The following TRAPPC9 variants were observed in gnomAD, a reference collection of about 807,000 sequenced individuals.
TRAPPC9 encodes trafficking protein particle complex subunit 9.
Under a neutral mutation model 124.0 loss-of-function variants are expected in TRAPPC9, and 83 were observed. That is an observed-to-expected ratio of 0.67 (90% CI 0.56 to 0.80). The LOEUF is 0.80. Among genes scored for constraint, TRAPPC9 ranks in the 30% least tolerant of loss-of-function variants. The probability of loss-of-function intolerance (pLI) is 0.00; values close to 1 mark genes in which losing one functional copy is unlikely to be tolerated. For missense variants in TRAPPC9, 1,302 were observed against 1,508.3 expected (o/e 0.86, Z 2.27); for synonymous variants, 638 against 617.5 (o/e 1.03, Z -0.49).
At chr8:139,862,972 G>C (rs1315124311) in intron 21 of TRAPPC9, among the ~76,000 whole-genome samples, 1 of 152,230 alleles carries the variant, frequency 6.6e-6, no homozygotes, top group East Asian at 1.9e-4. Context: ...AGAGGCACAG[G>C]GATGCACAGC....
intron 21 of TRAPPC9, among the ~76,000 whole-genome samples, chr8:139,784,642 T>TATATATATATATATAA (rs1563810623): frequency 7.6e-6 from 1 of 132,138 alleles, no homozygotes; most frequent in Non-Finnish European, 1.6e-5. Flanking sequence ...TATATATATA[T>TATATATATATATATAA]ATAAATCAAC....
At chr8:140,223,059 G>A (rs547063718) in intron 16 of TRAPPC9, among the ~76,000 whole-genome samples, 1 of 152,234 alleles carries the variant, frequency 6.6e-6, no homozygotes, top group South Asian at 2.1e-4. Context: ...GGATGTGCAG[G>A]TTTATTCCAT....
intron 17 of TRAPPC9, among the ~76,000 whole-genome samples, chr8:140,158,872 A>C (rs567432807): frequency 6.6e-6 from 1 of 152,346 alleles, no homozygotes; most frequent in East Asian, 1.9e-4. Flanking sequence ...AACTTATTTG[A>C]CACGATTTTA....
rs150734277 is a variant in TRAPPC9, at chr8:140,378,095, G to T, written c.1135-6915C>A. On this transcript the variant is annotated intron_variant, in intron 7 of 22. Coordinates refer to ENST00000438773, the MANE Select transcript of TRAPPC9 (RefSeq NM_001160372.4). ...TTCTGTTCACTGATTCATTCAGAAC[G>T]TAGCTTCTCACTCCAGAAGGACTTA... Among the ~76,000 whole-genome samples the T allele has an allele frequency of 3.9e-4, 60 of 152,312 alleles. 1 individual carries two copies. The South Asian group carries it at 5.8e-3, about 15-fold the overall frequency.
rs1371894981 is a variant in TRAPPC9, at chr8:139,742,502, C to G, written c.3056-10300G>C. On this transcript the variant is annotated intron_variant, in intron 21 of 22. Transcript: ENST00000438773. The surrounding 1 kb of genome is among the most constrained non-coding windows in gnomAD (Gnocchi z 4.7). Reference sequence around the variant, plus strand: ...AGGGCTGAAGCTGGAAGTCTCTTCCCTCAAGCACAGCACAACACAACATGC... The same window carrying G: ...AGGGCTGAAGCTGGAAGTCTCTTCCGTCAAGCACAGCACAACACAACATGC... Among the ~76,000 whole-genome samples, 3 of 152,220 alleles carry G rather than the reference C, an allele frequency of 2.0e-5. No individual in the cohort carries two copies. Among genetic ancestry groups the G allele is most frequent in the Admixed American group, 6.5e-5 (1 of 15,278 alleles).
intron 17 of TRAPPC9, among the ~76,000 whole-genome samples, chr8:140,038,517 G>T (rs946597971): frequency 6.6e-6 from 1 of 152,212 alleles, no homozygotes; most frequent in Non-Finnish European, 1.5e-5. Flanking sequence ...AGCGAACAAC[G>T]CATTGACACA....
At position 139,801,604 on chromosome 8, in the gene TRAPPC9, G is replaced by A. The variant is rs112601514; in HGVS notation, c.3056-69402C>T. ...AACCTATAATGGGGTGCTGGGATGC[G>A]AAAGTGGGGGGTGGGGTACGGTTAT... On this transcript the variant is annotated intron_variant, in intron 21 of 22. Coordinates refer to ENST00000438773, the MANE Select transcript of TRAPPC9 (RefSeq NM_001160372.4). Among the ~76,000 whole-genome samples the A allele has an allele frequency of 4.5e-3, 688 of 152,326 alleles. 6 individuals are homozygous for A. The highest frequency in any genetic ancestry group is 0.016 in the African/African-American group (649 of 41,572).
chr8:140,371,760 G>C, intron 7 of TRAPPC9, among the ~76,000 whole-genome samples: 1 of 152,084 alleles, frequency 6.6e-6, no homozygotes. Context: ...CTGGAGTGCA[G>C]TGGTACGATC....
chr8:139,812,086 C>T (rs1824483478), intron 21 of TRAPPC9, among the ~76,000 whole-genome samples: 1 of 152,104 alleles, frequency 6.6e-6, no homozygotes, highest in Non-Finnish European at 1.5e-5. Context: ...TCTCCTGGAA[C>T]CACGCATGCA....
At chr8:139,761,918 T>C (rs972301530) in intron 21 of TRAPPC9, among the ~76,000 whole-genome samples, 8 of 151,756 alleles carry the variant, frequency 5.3e-5, no homozygotes, top group African/African-American at 1.7e-4. Flanking sequence ...GTTTATGCTC[T>C]GGTGCTCAGT....
chr8:139,922,331 G>A (rs6981094), intron 19 of TRAPPC9, among the ~76,000 whole-genome samples: 6,591 of 152,174 alleles, frequency 0.043, 370 homozygotes, highest in African/African-American at 0.13. Flanking sequence ...CTACAGGCAC[G>A]TGCCACCACA....
intron 9 of TRAPPC9, among the ~76,000 whole-genome samples, chr8:140,347,542 G>A (rs2067386265): frequency 1.3e-5 from 2 of 152,138 alleles, no homozygotes; most frequent in Admixed American, 6.5e-5. Context: ...ATCCCGGGAA[G>A]TCATCCTGGG....
At position 140,290,984 on chromosome 8, in the gene TRAPPC9, GATAC is replaced by G; in HGVS notation, c.1854+5_1854+8del. On this transcript the variant is annotated splice_donor_5th_base_variant and intron_variant, in intron 12 of 22. Coordinates refer to ENST00000438773, the MANE Select transcript of TRAPPC9 (RefSeq NM_001160372.4). Reference sequence around the variant, plus strand: ...AGCCCAAAAAGGTCAAATGATTGGTGATACATACCATGTTTTCAACTCGAAGTTC... The same window carrying G: ...AGCCCAAAAAGGTCAAATGATTGGTGATACCATGTTTTCAACTCGAAGTTC... 6.2e-7 allele frequency: 1 copy of G among 1,612,730 alleles called. No individual in the cohort carries two copies. Among genetic ancestry groups the G allele is most frequent in the Non-Finnish European group, 8.5e-7 (1 of 1,178,720 alleles).
At chr8:139,912,467 G>T (rs1404047218) in intron 19 of TRAPPC9, among the ~76,000 whole-genome samples, 2 of 152,188 alleles carry the variant, frequency 1.3e-5, no homozygotes, top group African/African-American at 4.8e-5. Context: ...AAACATCTTT[G>T]TGCTGAGTGT....
At chr8:140,181,768 C>T (rs1485398499) in intron 17 of TRAPPC9, among the ~76,000 whole-genome samples, 3 of 152,012 alleles carry the variant, frequency 2.0e-5, no homozygotes, top group Non-Finnish European at 4.4e-5. Context: ...CTGTAGATTC[C>T]CCCTCATGGT....
At chr8:139,746,368 G>A (rs1818886927) in intron 21 of TRAPPC9, among the ~76,000 whole-genome samples, 1 of 152,218 alleles carries the variant, frequency 6.6e-6, no homozygotes, top group South Asian at 2.1e-4. Context: ...GACAAACCTG[G>A]ACCGTAAACA....
intron 17 of TRAPPC9, among the ~76,000 whole-genome samples, chr8:140,140,863 C>G (rs909924897): frequency 3.8e-4 from 58 of 152,302 alleles, no homozygotes; most frequent in African/African-American, 1.3e-3. Flanking sequence ...ACAATCACCA[C>G]CCCAATGGGC....
At chr8:139,875,429 G>C (rs1186610209) in intron 21 of TRAPPC9, among the ~76,000 whole-genome samples, 1 of 152,248 alleles carries the variant, frequency 6.6e-6, no homozygotes, top group Non-Finnish European at 1.5e-5. Context: ...CTCCAAATGG[G>C]GGATTAGGAG....
rs990756106 is a variant in TRAPPC9 at position 139,813,162 on chromosome 8, C to T, written c.3055+72717G>A. Reference sequence around the variant, plus strand: ...TCCCCACAAGCAGGGCGTGCCCCAGCAGGTAGAACATAAAGAGGAGGCAAA... The same window carrying T: ...TCCCCACAAGCAGGGCGTGCCCCAGTAGGTAGAACATAAAGAGGAGGCAAA... On this transcript the variant is annotated intron_variant, in intron 21 of 22. Transcript: ENST00000438773. Among the ~76,000 whole-genome samples the T allele has an allele frequency of 5.9e-5, 9 of 152,330 alleles. No homozygotes were observed. In the South Asian group the frequency reaches 1.4e-3, roughly 25 times the overall value.
Sources: gnomAD v4.1 joint callset for allele counts (sites outside exome capture counted in the v4.1 genomes callset) on GRCh38, gnomAD v4.1.1 for gene constraint, Gnocchi (gnomAD v3.1) non-coding constraint, MANE v1.5 for transcripts, NCBI Gene and HGNC (gene_info 2026-07-23, HGNC 2026-07-21) for gene names.